GATAD2A: variants seen among roughly 807,000 people sequenced by gnomAD.
GATAD2A encodes transcriptional repressor p66-alpha.
A neutral mutation model predicts 68.5 loss-of-function variants in GATAD2A; 12 were observed. The ratio of observed to expected loss-of-function variants is 0.18; its 90% CI spans 0.11 to 0.28. The LOEUF (loss-of-function observed/expected upper bound fraction) is 0.28, where lower values mean the gene tolerates loss of function less well. Among genes scored for constraint, GATAD2A ranks in the 10% least tolerant of loss-of-function variants. GATAD2A has a pLI of 1.00. For missense variants in GATAD2A, 755 were observed against 868.5 expected (o/e 0.87, Z 1.64); for synonymous variants, 410 against 375.3 (o/e 1.09, Z -1.07).
intron 2 of GATAD2A, among the ~76,000 whole-genome samples, chr19:19,488,101 CTT>C (rs1393552893): frequency 2.0e-5 from 3 of 152,192 alleles, no homozygotes; most frequent in Non-Finnish European, 4.4e-5. Flanking sequence ...GAAATACAGA[CTT>C]TGATCAAGCA....
In GATAD2A at chr19:19,496,102, C is replaced by T. The variant is rs1453238116; in HGVS notation, c.807C>T (p.Leu269=). ...CCAGCACAGGGCCACCGCCCCTCCT[C>T]CTGGCCCCCCGGGCGTCGGTGCCCA... ...QHSSTGPPPL[L]LAPRASVPSV... The change falls in exon 7 of 12, where the codon CTC becomes CTT. Residue 269 remains leucine (L), a synonymous_variant. Coordinates refer to ENST00000683918, the MANE Select transcript of GATAD2A (RefSeq NM_001384528.1). 6.2e-7 allele frequency: 1 copy of T among 1,613,710 alleles called. No homozygotes were observed. Among genetic ancestry groups the T allele is most frequent in the Non-Finnish European group, 8.5e-7 (1 of 1,179,830 alleles).
chr19:19,424,430 A>G (rs2052813242), intron 1 of GATAD2A, among the ~76,000 whole-genome samples: 1 of 151,264 alleles, frequency 6.6e-6, no homozygotes, highest in Non-Finnish European at 1.5e-5. Context: ...GAGTTTTGCT[A>G]TTTTGCCCAG....
rs979421453 is a variant in GATAD2A, at chr19:19,508,251, G to C, written c.*2777G>C. On this transcript the variant is annotated 3_prime_UTR_variant, in exon 12 of 12. Coordinates refer to ENST00000683918, the MANE Select transcript of GATAD2A (RefSeq NM_001384528.1). Reference sequence around the variant, plus strand: ...ACCTCGCCTGTTGTAGGGGAGGTTGGGGGTAGGGTTTGGAATGGCCAAGTG... The same window carrying C: ...ACCTCGCCTGTTGTAGGGGAGGTTGCGGGTAGGGTTTGGAATGGCCAAGTG... 1 of 152,286 alleles carries C rather than the reference G, an allele frequency of 6.6e-6. No individual in the cohort carries two copies. Among genetic ancestry groups the C allele is most frequent in the Admixed American group, 6.5e-5 (1 of 15,284 alleles). 9.4% of individuals were successfully genotyped at this position (152,286 alleles called of 1,614,324 possible).
chr19:19,490,450 C>T lies in GATAD2A; in HGVS notation c.270-1856C>T, dbSNP rs1350313273. Among the ~76,000 whole-genome samples the T allele has an allele frequency of 2.6e-5, 4 of 152,120 alleles. No homozygotes were observed. In the East Asian group the frequency reaches 7.7e-4, roughly 29 times the overall value. On this transcript the variant is annotated intron_variant, in intron 2 of 11. Transcript: ENST00000683918. ...CTTCATCCTAGCGACTCTCCTCAAC[C>T]CTGCCGGGGTCTAATTATCAACTAG... is the stretch of plus-strand genomic sequence containing the variant.
intron 4 of GATAD2A, among the ~76,000 whole-genome samples, chr19:19,493,983 C>T (rs968083010): frequency 6.6e-6 from 1 of 152,148 alleles, no homozygotes; most frequent in Non-Finnish European, 1.5e-5. Flanking sequence ...CTGCCACCAT[C>T]AGCCATTCTG....
At chr19:19,465,729 AG>A in intron 2 of GATAD2A, 115 bp downstream of exon 2, 1 of 1,239,594 alleles carries the variant, frequency 8.1e-7, no homozygotes, top group Non-Finnish European at 1.1e-6. Context: ...GGTTGTGGAG[AG>A]GGCTGTAGGC....
At chr19:19,495,669 T>C (rs2060101159) in intron 5 of GATAD2A, 85 bp from the exon 6 acceptor site, 14 of 1,232,060 alleles carry the variant, frequency 1.1e-5, no homozygotes, top group Non-Finnish European at 1.6e-5. Context: ...GTATGTACTT[T>C]CATAAAAGCA....
intron 11 of GATAD2A, among the ~76,000 whole-genome samples, chr19:19,504,221 C>T (rs1403866927): frequency 6.6e-6 from 1 of 152,180 alleles, no homozygotes; most frequent in Non-Finnish European, 1.5e-5. Context: ...CTGGGGCAGC[C>T]CTTACCTCCA....
intron 1 of GATAD2A, among the ~76,000 whole-genome samples, chr19:19,393,950 G>C (rs1177029794): frequency 6.6e-6 from 1 of 151,504 alleles, no homozygotes; most frequent in Admixed American, 6.6e-5. Context: ...GCAGTGGCGT[G>C]ATCTTGGCTC....
rs2060299310 is a variant in GATAD2A at position 19,498,501 on chromosome 19, C to G, written c.983C>G (p.Pro328Arg). 6.2e-7 allele frequency: 1 copy of G among 1,613,790 alleles called. No individual in the cohort carries two copies. Among genetic ancestry groups the G allele is most frequent in the African/African-American group, 1.3e-5 (1 of 75,064 alleles). ...TATSAQANST[P>R]TSVASVVTSA... ...ACCTCCGCTCAGGCCAACTCCACCC[C>G]CACTAGTGTGGCCTCTGTGGTCACC... Residue 328 changes from proline to arginine, a missense_variant, in exon 8 of 12, where the codon CCC becomes CGC. Transcript: ENST00000683918.
chr19:19,500,828 T>C (rs1183951112), intron 8 of GATAD2A, among the ~76,000 whole-genome samples: 2 of 152,214 alleles, frequency 1.3e-5, no homozygotes, highest in Non-Finnish European at 2.9e-5. Context: ...GTCACCCTTA[T>C]TAACTCGTAC....
At chr19:19,451,324 T>G (rs996069722) in intron 1 of GATAD2A, among the ~76,000 whole-genome samples, 37 of 152,076 alleles carry the variant, frequency 2.4e-4, no homozygotes, top group Non-Finnish European at 4.3e-4. Flanking sequence ...GATATTGCAG[T>G]GAGCCGAGAT....
chr19:19,444,019 A>G (rs539868824), intron 1 of GATAD2A, among the ~76,000 whole-genome samples: 2 of 152,250 alleles, frequency 1.3e-5, no homozygotes, highest in South Asian at 4.1e-4. Context: ...AGTGTTAGCA[A>G]TAAAGTGGGT....
chr19:19,467,446 G>A (rs2057960802), intron 2 of GATAD2A, among the ~76,000 whole-genome samples: 1 of 152,142 alleles, frequency 6.6e-6, no homozygotes, highest in African/African-American at 2.4e-5. Flanking sequence ...TCTTCCAAGG[G>A]TAATCACTTT....
intron 1 of GATAD2A, among the ~76,000 whole-genome samples, chr19:19,425,777 T>G (rs1057039340): frequency 3.3e-5 from 5 of 151,850 alleles, no homozygotes; most frequent in African/African-American, 1.2e-4. Flanking sequence ...CATAGTGGTT[T>G]TCTTTTTCTT....
In GATAD2A at chr19:19,470,935, G is replaced by A. The variant is rs562607044; in HGVS notation, c.269+5321G>A. ...TGTGTCCACACAGACAGGTACACCT[G>A]CAGCAGCATGATTCATACTGGTCGA... is the stretch of plus-strand genomic sequence containing the variant. On this transcript the variant is annotated intron_variant, in intron 2 of 11. Coordinates refer to ENST00000683918, the MANE Select transcript of GATAD2A (RefSeq NM_001384528.1). Among the ~76,000 whole-genome samples the A allele has an allele frequency of 9.2e-5, 14 of 152,306 alleles. No individual in the cohort carries two copies. The South Asian group carries it at 2.9e-3, about 32-fold the overall frequency.
At chr19:19,419,334 A>G (rs533695377) in intron 1 of GATAD2A, among the ~76,000 whole-genome samples, 1 of 152,116 alleles carries the variant, frequency 6.6e-6, no homozygotes, top group South Asian at 2.1e-4. Context: ...CATCTCGTAC[A>G]CTGGCAGACA....
At chr19:19,503,958 G>A (rs945529419) in intron 11 of GATAD2A, among the ~76,000 whole-genome samples, 2 of 152,232 alleles carry the variant, frequency 1.3e-5, no homozygotes, top group Non-Finnish European at 2.9e-5. Context: ...TGTAATCCCA[G>A]CACTTTGTGA....
chr19:19,470,172 A>G (rs2058192613), intron 2 of GATAD2A, among the ~76,000 whole-genome samples: 1 of 136,534 alleles, frequency 7.3e-6, no homozygotes, highest in Admixed American at 7.8e-5. Flanking sequence ...TTTTTTTGAG[A>G]CAGAGTCTCA....
Sources: allele counts gnomAD v4.1 joint callset (sites outside exome capture counted in the v4.1 genomes callset), GRCh38; gene constraint gnomAD v4.1.1; transcripts MANE v1.5; gene names NCBI Gene and HGNC (gene_info 2026-07-23, HGNC 2026-07-21).